Variants in FNDC1 observed in about 807,000 individuals in gnomAD.
FNDC1 encodes fibronectin type III domain-containing protein 1.
FNDC1 carries 96 observed loss-of-function variants against 168.0 expected under a neutral mutation model. That is an observed-to-expected ratio of 0.57 (90% confidence interval 0.48 to 0.68). The LOEUF (loss-of-function observed/expected upper bound fraction) is 0.68. Among genes scored for constraint, FNDC1 ranks in the 30% least tolerant of loss-of-function variants. The pLI, the probability that FNDC1 is intolerant of heterozygous loss-of-function variation, is 0.00. For synonymous variants in FNDC1, 1,099 were observed against 1,025.9 expected (o/e 1.07, Z -1.36); for missense variants, 2,587 against 2,482.1 (o/e 1.04, Z -0.90).
intron 1 of FNDC1, among the ~76,000 whole-genome samples, chr6:159,185,137 G>T (rs1016786573): frequency 1.3e-5 from 2 of 151,612 alleles, no homozygotes; most frequent in Non-Finnish European, 2.9e-5. Flanking sequence ...AAACAAAATG[G>T]CCAAGAACTT....
At chr6:159,180,136 G>A (rs1781850049) in intron 1 of FNDC1, among the ~76,000 whole-genome samples, 1 of 152,130 alleles carries the variant, frequency 6.6e-6, no homozygotes, top group African/African-American at 2.4e-5. Flanking sequence ...GAATCTGTAG[G>A]GCCAGTCATG....
chr6:159,218,891 C>A (rs191947209), intron 5 of FNDC1, among the ~76,000 whole-genome samples: 6 of 152,206 alleles, frequency 3.9e-5, no homozygotes, highest in Admixed American at 3.3e-4. Flanking sequence ...TTCTACAAGT[C>A]ACCAAGGAGC....
intron 22 of FNDC1, among the ~76,000 whole-genome samples, chr6:159,269,219 A>G (rs1777662620): frequency 1.6e-5 from 2 of 122,992 alleles, no homozygotes; most frequent in Admixed American, 1.6e-4. Context: ...CTATCTATCT[A>G]TCTATCTATC....
Position 159,234,372 on chromosome 6 carries a change from C to T in FNDC1, c.3860C>T (p.Pro1287Leu). The change falls in exon 11 of 23, where the codon CCT (proline) becomes CTT (leucine). Residue 1287 changes from proline (P) to leucine (L), a missense_variant. By Grantham distance (98) the Pro-to-Leu change is moderately conservative (BLOSUM62 -3). Transcript: ENST00000297267. ...PWPQYTTRAP[P>L]GHFSTTPMLS... Reference sequence around the variant, plus strand: ...CCGCAGTACACCACGCGCGCCCCACCTGGCCACTTCTCCACCACCCCGATG... The same window carrying T: ...CCGCAGTACACCACGCGCGCCCCACTTGGCCACTTCTCCACCACCCCGATG... 1.2e-6 allele frequency: 2 copies of T among 1,613,096 alleles called. No homozygotes were observed. Among genetic ancestry groups the T allele is most frequent in the Non-Finnish European group, 1.7e-6 (2 of 1,179,568 alleles).
intron 11 of FNDC1, among the ~76,000 whole-genome samples, 189 bp from the exon 12 acceptor site, chr6:159,236,026 C>T (rs1180734785): frequency 1.1e-4 from 17 of 152,188 alleles, no homozygotes; most frequent in Admixed American, 1.1e-3. Context: ...AATTGACATT[C>T]ATATCTGTTG....
rs763422899 is a variant in FNDC1 at position 159,197,518 on chromosome 6, C to T, written c.197C>T (p.Thr66Ile). The T allele has an allele frequency of 3.1e-6, 5 of 1,613,878 alleles. No individual in the cohort carries two copies. In the Admixed American group the frequency reaches 6.7e-5, roughly 22 times the overall value. Reference sequence around the variant, plus strand: ...ACGTGGGACCCACCCAAAGATGCTACCAGTAGACCTGTGGAGCATTACAAC... The same window carrying T: ...ACGTGGGACCCACCCAAAGATGCTATCAGTAGACCTGTGGAGCATTACAAC... The part of the protein sequence containing the change: ...KVTWDPPKDA[T>I]SRPVEHYNIA... Residue 66 changes from threonine to isoleucine, a missense_variant, in exon 2 of 23, where the codon ACC becomes ATC. By Grantham distance (89) the Thr-to-Ile change is moderately conservative (BLOSUM62 -1). Transcript: ENST00000297267.
chr6:159,211,730 C>T (rs1782610607), intron 4 of FNDC1, among the ~76,000 whole-genome samples: 1 of 152,278 alleles, frequency 6.6e-6, no homozygotes, highest in African/African-American at 2.4e-5. Context: ...CTTAATACAG[C>T]ATATGTCAGG....
At chr6:159,271,120 C>G (rs539413747) in intron 22 of FNDC1, among the ~76,000 whole-genome samples, 5 of 152,326 alleles carry the variant, frequency 3.3e-5, no homozygotes, top group African/African-American at 1.2e-4. Context: ...CCACCCCAGG[C>G]TGGGGTTGGG....
intron 1 of FNDC1, among the ~76,000 whole-genome samples, chr6:159,191,303 C>T (rs982479492): frequency 2.0e-5 from 3 of 152,132 alleles, no homozygotes; most frequent in African/African-American, 7.2e-5. Flanking sequence ...AATGAATTGT[C>T]TAAGTACAGT....
chr6:159,254,358 A>G (rs1254787291), intron 17 of FNDC1, among the ~76,000 whole-genome samples: 1 of 152,134 alleles, frequency 6.6e-6, no homozygotes, highest in Non-Finnish European at 1.5e-5. Context: ...AATTCATCTC[A>G]GAAATGAGTC....
chr6:159,239,181 G>A (rs546025892), intron 13 of FNDC1, among the ~76,000 whole-genome samples: 10 of 152,170 alleles, frequency 6.6e-5, no homozygotes, highest in East Asian at 3.9e-4. Flanking sequence ...CTCTAAAAGC[G>A]GATTGAGTAG....
rs1042214553 is a variant in FNDC1 at position 159,271,731 on chromosome 6, T to G, written c.*289T>G. 7 of 265,818 alleles carry G rather than the reference T, an allele frequency of 2.6e-5. No individual in the cohort carries two copies. Among genetic ancestry groups the G allele is most frequent in the Non-Finnish European group, 4.4e-5 (6 of 137,400 alleles). 16.5% of individuals were successfully genotyped at this position (265,818 alleles called of 1,614,324 possible). ...CATCAGAAACCAGCAACTGATTCAG[T>G]GTGATTTCCAGACTTTTTAGGCATG... On this transcript the variant is annotated 3_prime_UTR_variant, in exon 23 of 23. Coordinates refer to ENST00000297267, the MANE Select transcript of FNDC1 (RefSeq NM_032532.3).
intron 7 of FNDC1, among the ~76,000 whole-genome samples, chr6:159,224,125 G>C (rs1782903050): frequency 6.6e-6 from 1 of 152,210 alleles, no homozygotes; most frequent in South Asian, 2.1e-4. Flanking sequence ...AGACTTTGCT[G>C]AACACTGACT....
chr6:159,242,291 A>G (rs1170621453), intron 14 of FNDC1, among the ~76,000 whole-genome samples: 3 of 152,206 alleles, frequency 2.0e-5, no homozygotes, highest in African/African-American at 7.2e-5. Context: ...ATGAGAACAC[A>G]TGGACACAGG....
intron 22 of FNDC1, among the ~76,000 whole-genome samples, chr6:159,268,528 T>G (rs1777637360): frequency 6.6e-6 from 1 of 152,166 alleles, no homozygotes; most frequent in Admixed American, 6.6e-5. Context: ...GGTTCTCTCA[T>G]CCAAAGAAAC....
intron 2 of FNDC1, among the ~76,000 whole-genome samples, chr6:159,198,112 C>T (rs1424519114): frequency 6.6e-6 from 1 of 152,150 alleles, no homozygotes; most frequent in Admixed American, 6.5e-5. Flanking sequence ...TAACTTGATT[C>T]TGGAGGTTTG....
intron 4 of FNDC1, among the ~76,000 whole-genome samples, chr6:159,213,305 A>G (rs1271379628): frequency 6.6e-6 from 1 of 152,200 alleles, no homozygotes; most frequent in African/African-American, 2.4e-5. Flanking sequence ...ACTGCAGGCA[A>G]CAAGCTTGTG....
In FNDC1 at chr6:159,239,498, T is replaced by A; in HGVS notation, c.4181-19T>A. The A allele has an allele frequency of 6.4e-7, 1 of 1,564,166 alleles. No homozygotes were observed. The highest frequency in any genetic ancestry group is 8.7e-7 in the Non-Finnish European group (1 of 1,152,748). ...ATTGCTTCACCTTGTTGCATAGCTA[T>A]TGGTTGATTTTGTTTCAGATCTGGA... On this transcript the variant is annotated intron_variant, in intron 13 of 22. Coordinates refer to ENST00000297267, the MANE Select transcript of FNDC1 (RefSeq NM_032532.3).
At chr6:159,172,742 C>T (rs964323162) in intron 1 of FNDC1, among the ~76,000 whole-genome samples, 2 of 152,178 alleles carry the variant, frequency 1.3e-5, no homozygotes, top group Non-Finnish European at 2.9e-5. Flanking sequence ...ATTTCAGATT[C>T]TAAGAATTGG....
Sources: gnomAD v4.1 joint callset for allele counts (sites outside exome capture counted in the v4.1 genomes callset) on GRCh38, gnomAD v4.1.1 for gene constraint, MANE v1.5 for transcripts, NCBI Gene and HGNC (gene_info 2026-07-23, HGNC 2026-07-21) for gene names.